Variants in KRT27 observed in about 807,000 individuals in gnomAD.
KRT27 encodes the protein keratin 27.
In KRT27, 30 loss-of-function variants were observed where a neutral mutation model predicts 45.3. That is an observed-to-expected ratio of 0.66 (90% CI 0.50 to 0.90). The LOEUF is 0.90. Ranked by LOEUF, KRT27 falls within the 40% of genes least tolerant of loss-of-function variation. The probability of loss-of-function intolerance (pLI) is 0.00; values close to 1 mark genes in which losing one functional copy is unlikely to be tolerated. For missense variants in KRT27, 610 were observed against 564.3 expected, an observed-to-expected ratio of 1.08 and a Z score of -0.82; for synonymous variants, 204 against 223.9, an observed-to-expected ratio of 0.91 and a Z score of 0.79.
At chr17:40,779,659 G>T (rs1262970752) in intron 4 of KRT27, 32 bp from the exon 5 acceptor site, 1 of 1,613,632 alleles carries the variant, frequency 6.2e-7, no homozygotes, top group Non-Finnish European at 8.5e-7. Flanking sequence ...TAGGGCGCTG[G>T]GGCTGAGTCC....
In KRT27 at chr17:40,782,269, A is replaced by C. The variant is rs566734749; in HGVS notation, c.225T>G (p.Asn75Lys). ...CATTGCCAGAGAGGAGGCCGTGCTC[A>C]TTCCCTGTGAAGGCAGCACAGGAAG... ...GSASCAAFTGNEHGLLSGNEK... is the reference protein window; with the variant it reads ...GSASCAAFTGKEHGLLSGNEK... Residue 75 changes from asparagine to lysine, a missense_variant, in exon 1 of 8, where the codon AAT (asparagine) becomes AAG (lysine). Coordinates refer to ENST00000301656, the MANE Select transcript of KRT27 (RefSeq NM_181537.4). 35 of 1,614,168 alleles carry C rather than the reference A, an allele frequency of 2.2e-5. No individual in the cohort carries two copies. In the African/African-American group the frequency reaches 4.4e-4, roughly 20 times the overall value.
Position 40,781,201 on chromosome 17 carries a change from C to A in KRT27, c.514G>T (p.Asp172Tyr). 2 of 1,609,630 alleles carry A rather than the reference C, an allele frequency of 1.2e-6. No individual in the cohort carries two copies. Among genetic ancestry groups the A allele is most frequent in the African/African-American group, 2.7e-5 (2 of 74,972 alleles). ...QNDNARLTAD[D>Y]FRLKFENELA... ...AGCTCTACTTACTTTAGTCTGAAGTCATCAGCTGTTAGTCTTGCATTATCA... is the reference window on the plus strand; with the variant it reads ...AGCTCTACTTACTTTAGTCTGAAGTAATCAGCTGTTAGTCTTGCATTATCA... Residue 172 changes from aspartate (D) to tyrosine (Y), a missense_variant, in exon 2 of 8, where the codon GAC (aspartate) becomes TAC (tyrosine). By Grantham distance (160) the Asp-to-Tyr change is radical. Transcript: ENST00000301656.
chr17:40,780,315 C>T lies in KRT27; in HGVS notation c.669G>A (p.Lys223=). 6.2e-7 allele frequency: 1 copy of T among 1,611,716 alleles called. No individual in the cohort carries two copies. The highest frequency in any genetic ancestry group is 8.5e-7 in the Non-Finnish European group (1 of 1,179,008). ...GAGCTTCTACCTCCTCATGATTCTTCTTGAGGTAAGCGAGCTCCTCACTGA... is the reference window on the plus strand; with the variant it reads ...GAGCTTCTACCTCCTCATGATTCTTTTTGAGGTAAGCGAGCTCCTCACTGA... ...ETLSEELAYL[K]KNHEEEMKAL... is the part of the protein sequence containing the mutation. Residue 223 remains lysine (K), a synonymous_variant, in exon 3 of 8, where the codon AAG becomes AAA. Transcript: ENST00000301656.
intron 1 of KRT27, among the ~76,000 whole-genome samples, chr17:40,781,674 C>T (rs1475066500): frequency 6.6e-6 from 1 of 152,218 alleles, no homozygotes; most frequent in Non-Finnish European, 1.5e-5. Context: ...AAGTGATCCA[C>T]CTGCCTTGGC....
At position 40,779,522 on chromosome 17, in the gene KRT27, G is replaced by A. The variant is rs2038290921; in HGVS notation, c.952C>T (p.Leu318Phe). ...KRTLQTLEIE[L>F]QSLLATKHSL... ...CTTACCGTTGCTAAGAGGGACTGAA[G>A]TTCAATCTCAAGGGTTTGAAGAGTG... Residue 318 changes from leucine to phenylalanine, a missense_variant, in exon 5 of 8, where the codon CTT (leucine) becomes TTT (phenylalanine). Transcript: ENST00000301656. The A allele has an allele frequency of 1.2e-6, 2 of 1,613,786 alleles. No individual in the cohort carries two copies. The highest frequency in any genetic ancestry group is 2.2e-5 in the East Asian group (1 of 44,880).
In KRT27 at chr17:40,777,714, A is replaced by G; in HGVS notation, c.991T>C (p.Ser331Pro). 6.2e-7 allele frequency: 1 copy of G among 1,614,154 alleles called. No individual in the cohort carries two copies. The highest frequency in any genetic ancestry group is 8.5e-7 in the Non-Finnish European group (1 of 1,180,032). ...TAGTTACTCTCGGTCTCTGTCAAGG[A>G]GCACTCCAGGGAGTGTTTCTGTAGT... ...LLATKHSLECSLTETESNYCA... is the reference protein window; with the variant it reads ...LLATKHSLECPLTETESNYCA... The change falls in exon 6 of 8, where the codon TCC becomes CCC. Residue 331 changes from serine (S) to proline (P), a missense_variant. Ser to Pro is a moderately conservative substitution (Grantham distance 74). Coordinates refer to ENST00000301656, the MANE Select transcript of KRT27 (RefSeq NM_181537.4).
At chr17:40,781,327 T>A in intron 1 of KRT27, 57 bp from the exon 2 acceptor site, 1 of 1,001,778 alleles carries the variant, frequency 1.0e-6, no homozygotes, top group Non-Finnish European at 1.6e-6. Flanking sequence ...ATTTCAAAGT[T>A]CCTTGAAATA....
At position 40,782,405 on chromosome 17, in the gene KRT27, A is replaced by T. The variant is rs1597803886; in HGVS notation, c.89T>A (p.Phe30Tyr). The T allele has an allele frequency of 1.2e-6, 2 of 1,613,616 alleles. No homozygotes were observed. Among genetic ancestry groups the T allele is most frequent in the East Asian group, 4.5e-5 (2 of 44,860 alleles). Residue 30 changes from phenylalanine to tyrosine, a missense_variant, in exon 1 of 8, where the codon TTT becomes TAT. Coordinates refer to ENST00000301656, the MANE Select transcript of KRT27 (RefSeq NM_181537.4). ...CACACCGCATGTGTTTCCAGCCCCA[A>T]AGCCTGCTCCCCCACTAGAGAGCCT... ...SVRLSSGGAG[F>Y]GAGNTCGVPG...
rs752170063 is a variant in KRT27, at chr17:40,782,142, C to A, written c.352G>T (p.Gly118Trp). 1.2e-6 allele frequency: 2 copies of A among 1,614,200 alleles called. No individual in the cohort carries two copies. Among genetic ancestry groups the A allele is most frequent in the Admixed American group, 3.3e-5 (2 of 60,032 alleles). Residue 118 changes from glycine (G) to tryptophan (W), a missense_variant, in exon 1 of 8, where the codon GGG (glycine) becomes TGG (tryptophan). Gly to Trp is a radical substitution (Grantham distance 184). Transcript: ENST00000301656. The part of the protein sequence containing the change: ...ANADLEQKIK[G>W]WYEKFGPGSC... ...CCAGGTCCAAATTTCTCATACCACC[C>A]CTTGATCTTCTGCTCCAAGTCAGCG...
chr17:40,777,727 G>C lies in KRT27; in HGVS notation c.978C>G (p.His326Gln), dbSNP rs754128971. 4.3e-6 allele frequency: 7 copies of C among 1,614,128 alleles called. No homozygotes were observed. In the South Asian group the frequency reaches 7.7e-5, roughly 18 times the overall value. ...IELQSLLATK[H>Q]SLECSLTETE... The stretch of plus-strand genomic sequence containing the variant: ...TCTCTGTCAAGGAGCACTCCAGGGA[G>C]TGTTTCTGTAGTTTGGTAAGACATG... The change falls in exon 6 of 8, where the codon CAC (histidine) becomes CAG (glutamine). Residue 326 changes from histidine to glutamine, a missense_variant. Coordinates refer to ENST00000301656, the MANE Select transcript of KRT27 (RefSeq NM_181537.4).
At chr17:40,777,953 C>T (rs1046624272) in intron 5 of KRT27, 3 of 563,532 alleles carry the variant, frequency 5.3e-6, no homozygotes, top group African/African-American at 1.9e-5. Context: ...CCCTCAGATG[C>T]CCAGGTGTGC....
rs570425360 is a variant in KRT27, at chr17:40,781,328, C to T, written c.445-58G>A. On this transcript the variant is annotated intron_variant, in intron 1 of 7. Coordinates refer to ENST00000301656, the MANE Select transcript of KRT27 (RefSeq NM_181537.4). ...AATATTTAAGATGCATTTCAAAGTT[C>T]CTTGAAATAAAATTACCCATGAAAT... 52 of 1,001,940 alleles carry T rather than the reference C, an allele frequency of 5.2e-5. No individual in the cohort carries two copies. The African/African-American group carries it at 6.5e-4, about 13-fold the overall frequency. The allele number at this position is 1,001,940 out of a possible 1,614,324, so 62.1% of individuals were successfully genotyped here.
Position 40,782,083 on chromosome 17 carries a change from T to C in KRT27, c.411A>G (p.Arg137=), listed in dbSNP as rs749131706. The C allele has an allele frequency of 2.0e-5, 33 of 1,613,192 alleles. No homozygotes were observed. Among genetic ancestry groups the C allele is most frequent in the Non-Finnish European group, 2.7e-5 (32 of 1,180,024 alleles). ...SCRGLDHDYS[R]YFPIIDELKN... ...TAAGTTCGTCAATAATTGGGAAATA[T>C]CTGCTGTAATCATGATCAAGGCCAC... Residue 137 remains arginine (R), a synonymous_variant, in exon 1 of 8, where the codon AGA becomes AGG. Transcript: ENST00000301656.
rs773172274 is a variant in KRT27 at position 40,779,632 on chromosome 17, A to G, written c.847-5T>C. 6.2e-7 allele frequency: 1 copy of G among 1,614,096 alleles called. No individual in the cohort carries two copies. The highest frequency in any genetic ancestry group is 1.1e-5 in the South Asian group (1 of 91,076). ...CTGCTGCTGCAGCGAGGCGCTCTGG[A>G]ACGGCAGGGGCCGCGTTAGGGCGCT... On this transcript the variant is annotated splice_region_variant and splice_polypyrimidine_tract_variant and intron_variant, in intron 4 of 7. Coordinates refer to ENST00000301656, the MANE Select transcript of KRT27 (RefSeq NM_181537.4).
Position 40,777,586 on chromosome 17 carries a change from C to A in KRT27, c.1119G>T (p.Gln373His). The A allele has an allele frequency of 6.2e-7, 1 of 1,613,992 alleles. No homozygotes were observed. Among genetic ancestry groups the A allele is most frequent in the East Asian group, 2.2e-5 (1 of 44,880 alleles). Residue 373 changes from glutamine to histidine, a missense_variant, in exon 6 of 8, where the codon CAG (glutamine) becomes CAT (histidine). Gln to His is a conservative substitution (Grantham distance 24). Coordinates refer to ENST00000301656, the MANE Select transcript of KRT27 (RefSeq NM_181537.4). The stretch of plus-strand genomic sequence containing the variant: ...CCAGGTGGACCTTGATGTCAAGGAG[C>A]TGCTCATACTCGAGCTTCTGGCCCT... ...ETEGQKLEYE[Q>H]LLDIKVHLEK... is the part of the protein sequence containing the mutation.
Position 40,779,641 on chromosome 17 carries a change from G to A in KRT27, c.847-14C>T. ...CAGCGAGGCGCTCTGGAACGGCAGG[G>A]GCCGCGTTAGGGCGCTGGGGCTGAG... On this transcript the variant is annotated splice_polypyrimidine_tract_variant and intron_variant, in intron 4 of 7. Transcript: ENST00000301656. 1 of 1,613,950 alleles carries A rather than the reference G, an allele frequency of 6.2e-7. No homozygotes were observed. The highest frequency in any genetic ancestry group is 8.5e-7 in the Non-Finnish European group (1 of 1,179,934).
chr17:40,779,840 C>T lies in KRT27; in HGVS notation c.706G>A (p.Ala236Thr), dbSNP rs370988198. The T allele has an allele frequency of 7.5e-6, 12 of 1,609,958 alleles. No individual in the cohort carries two copies. The highest frequency in any genetic ancestry group is 1.6e-4 in the Middle Eastern group (1 of 6,066). The change falls in exon 4 of 8, where the codon GCG becomes ACG. Residue 236 changes from alanine (A) to threonine (T), a missense_variant. Coordinates refer to ENST00000301656, the MANE Select transcript of KRT27 (RefSeq NM_181537.4). ...HEEEMKALQC[A>T]AGGNVNVEMN... ...TCCACGTTCACGTTGCCTCCAGCCG[C>T]GCACTGAAGAGCTTTCATTTCCTGA...
chr17:40,782,056 C>T lies in KRT27; in HGVS notation c.438G>A (p.Lys146=). The part of the protein sequence containing the change: ...SRYFPIIDEL[K]NQIISATTSN... ...ACGCCATGGCGTTTCTTACCTGGTT[C>T]TTAAGTTCGTCAATAATTGGGAAAT... Residue 146 remains lysine (K), a synonymous_variant, in exon 1 of 8, where the codon AAG becomes AAA. Coordinates refer to ENST00000301656, the MANE Select transcript of KRT27 (RefSeq NM_181537.4). The T allele has an allele frequency of 1.2e-6, 2 of 1,609,528 alleles. No homozygotes were observed. The highest frequency in any genetic ancestry group is 2.2e-5 in the East Asian group (1 of 44,880).
At chr17:40,778,174 C>T (rs1246580194) in intron 5 of KRT27, among the ~76,000 whole-genome samples, 1 of 152,228 alleles carries the variant, frequency 6.6e-6, no homozygotes, top group African/African-American at 2.4e-5. Context: ...CTGCAGTAAA[C>T]CGCATAAACG....
Sources: allele counts gnomAD v4.1 joint callset (sites outside exome capture counted in the v4.1 genomes callset), GRCh38; gene constraint gnomAD v4.1.1; transcripts MANE v1.5; gene names NCBI Gene and HGNC (gene_info 2026-07-23, HGNC 2026-07-21).